TTN: variants seen among roughly 807,000 people sequenced by gnomAD.
The protein encoded by TTN is connectin.
A neutral mutation model predicts 3,223.0 loss-of-function variants in TTN; 1,525 were observed. The ratio of observed to expected loss-of-function variants is 0.47; its 90% CI spans 0.45 to 0.49. The LOEUF (loss-of-function observed/expected upper bound fraction) is 0.49. Among genes scored for constraint, TTN ranks in the 20% least tolerant of loss-of-function variants. The pLI is 0.00. For missense variants in TTN, 40,786 were observed against 43,424.0 expected (o/e 0.94, Z 5.40); for synonymous variants, 14,094 against 15,161.0 (o/e 0.93, Z 5.17).
intron 47 of TTN, chr2:178,746,550 G>A: frequency 6.2e-7 from 1 of 1,613,144 alleles, no homozygotes; most frequent in Middle Eastern, 1.7e-4. Flanking sequence ...GTTACTGGAG[G>A]TGGTAGTGCC....
chr2:178,547,262 A>G lies in TTN; in HGVS notation c.94263T>C (p.Ser31421=). 1 of 1,613,738 alleles carries G rather than the reference A, an allele frequency of 6.2e-7. No homozygotes were observed. The highest frequency in any genetic ancestry group is 2.2e-5 in the East Asian group (1 of 44,866). Residue 31421 remains serine, a synonymous_variant, in exon 340 of 363, where the codon TCT becomes TCC. Coordinates refer to ENST00000589042, the MANE Select transcript of TTN (RefSeq NM_001267550.2). ...APTRPEVYHV[S]ANAMSIRWEE... is the part of the protein sequence containing the mutation. Reference sequence around the variant, plus strand: ...CCCAACGAATAGACATGGCATTGGCAGACACATGGTAGACCTCAGGTCTGG... The same window carrying G: ...CCCAACGAATAGACATGGCATTGGCGGACACATGGTAGACCTCAGGTCTGG...
intron 295 of TTN, 108 bp from the exon 296 acceptor site, chr2:178,594,754 C>A (rs1231931850): frequency 2.2e-6 from 2 of 889,372 alleles, no homozygotes; most frequent in Non-Finnish European, 3.4e-6. Context: ...ACATTAAACT[C>A]TCTGCTCCCA....
At chr2:178,791,162 C>A (rs2093470554) in intron 10 of TTN, among the ~76,000 whole-genome samples, 2 of 152,168 alleles carry the variant, frequency 1.3e-5, no homozygotes, top group South Asian at 4.2e-4. Context: ...GCTGAACTTG[C>A]CAGTCACCAG....
In TTN at chr2:178,603,984, G is replaced by C. The variant is rs758019427; in HGVS notation, c.54703C>G (p.Arg18235Gly). ...GLKGVEFNVP[R>G]LLEGVKYQFR... is the part of the protein sequence containing the mutation. ...TGGTATTTAACGCCTTCAAGCAAAC[G>C]AGGAACATTAAATTCCACGCCTTTC... The change falls in exon 282 of 363, where the codon CGT becomes GGT. Residue 18235 changes from arginine (R) to glycine (G), a missense_variant. By Grantham distance (125) the Arg-to-Gly change is moderately radical. Coordinates refer to ENST00000589042, the MANE Select transcript of TTN (RefSeq NM_001267550.2). The C allele has an allele frequency of 3.1e-6, 5 of 1,612,542 alleles. No homozygotes were observed. The highest frequency in any genetic ancestry group is 4.2e-6 in the Non-Finnish European group (5 of 1,179,116).
Position 178,563,686 on chromosome 2 carries a change from G to C in TTN, c.82446C>G (p.Thr27482=), listed in dbSNP as rs768861950. The change falls in exon 326 of 363, where the codon ACC becomes ACG. Residue 27482 remains threonine, a synonymous_variant. Transcript: ENST00000589042. This position sits in a 1 kb window ranked among gnomAD's most constrained non-coding sequence, Gnocchi z 4.5. ...PPSTPEVSAI[T]KDSMVVTWAR... ...CCCATGTTACTACCATAGAATCTTT[G>C]GTGATTGCTGAGACTTCAGGTGTTG... The C allele has an allele frequency of 3.1e-6, 5 of 1,613,734 alleles. No individual in the cohort carries two copies.
At chr2:178,647,301 T>TA (rs2154245852) in intron 214 of TTN, 80 bp downstream of exon 214, 5 of 1,462,734 alleles carry the variant, frequency 3.4e-6, no homozygotes, top group Non-Finnish European at 4.7e-6. Context: ...GACAGACAAA[T>TA]ACGTAAGATT....
chr2:178,753,982 G>A (rs1314385929), intron 46 of TTN: 2 of 152,070 alleles, frequency 1.3e-5, no homozygotes, highest in African/African-American at 2.4e-5. Context: ...AGTAATTTTT[G>A]TAAGTGCTCT....
Position 178,609,457 on chromosome 2 carries a change from C to T in TTN, c.51853G>A (p.Glu17285Lys), listed in dbSNP as rs1355045941. 2 of 1,612,298 alleles carry T rather than the reference C, an allele frequency of 1.2e-6. No individual in the cohort carries two copies. The highest frequency in any genetic ancestry group is 1.7e-5 in the Admixed American group (1 of 59,906). The stretch of plus-strand genomic sequence containing the variant: ...ATTTCCTCTGGTACAATAACATTTT[C>T]ATCCTTTATCCATGTAATAGTTGGG... ...PYPTITWIKD[E>K]NVIVPEEIKK... Residue 17285 changes from glutamate to lysine, a missense_variant, in exon 273 of 363, where the codon GAA (glutamate) becomes AAA (lysine). Physicochemically the swap from Glu to Lys is moderately conservative, Grantham distance 56. Transcript: ENST00000589042.
In TTN at chr2:178,715,103, T is replaced by C. The variant is rs767736451; in HGVS notation, c.26083A>G (p.Asn8695Asp). ...SGKKYKIMSE[N>D]FLTSIHILNV... is the part of the protein sequence containing the mutation. ...AGGATGTGGATACTGGTTAGGAAGT[T>C]CTCAGACATTATCTTGTACTTCTTG... The change falls in exon 90 of 363, where the codon AAC becomes GAC. Residue 8695 changes from asparagine (N) to aspartate (D), a missense_variant. Asn to Asp is a conservative substitution (Grantham distance 23). Transcript: ENST00000589042. 9.9e-6 allele frequency: 16 copies of C among 1,613,634 alleles called. No homozygotes were observed. The South Asian group carries it at 1.3e-4, about 13-fold the overall frequency.
chr2:178,647,899 A>G (rs2062272125), intron 213 of TTN, among the ~76,000 whole-genome samples: 1 of 152,108 alleles, frequency 6.6e-6, no homozygotes. Flanking sequence ...GACCCAATGA[A>G]CCATTCTTTT....
chr2:178,578,287 G>A, intron 321 of TTN, 102 bp from the exon 322 acceptor site: 1 of 1,084,024 alleles, frequency 9.2e-7, no homozygotes, highest in Middle Eastern at 2.1e-4. Context: ...TATTGAACAA[G>A]TAGTCATTCT....
At chr2:178,688,564 G>A (rs1268436710) in intron 126 of TTN, 113 bp downstream of exon 126, 5 of 773,462 alleles carry the variant, frequency 6.5e-6, no homozygotes, top group Non-Finnish European at 1.1e-5. Context: ...ACCAACATAA[G>A]GAGAAATAAC....
chr2:178,720,618 T>G lies in TTN; in HGVS notation c.23144A>C (p.Lys7715Thr). Reference protein sequence around the residue: ...TQKPSPVGALKGSDVILQCEI... With the variant: ...TQKPSPVGALTGSDVILQCEI... Reference sequence around the variant, plus strand: ...ACATTGGAGAATCACATCAGAACCTTTAAGAGCTCCTACTGGAGAAGGCTT... The same window carrying G: ...ACATTGGAGAATCACATCAGAACCTGTAAGAGCTCCTACTGGAGAAGGCTT... The change falls in exon 80 of 363, where the codon AAA (lysine) becomes ACA (threonine). Residue 7715 changes from lysine (K) to threonine (T), a missense_variant. By Grantham distance (78) the Lys-to-Thr change is moderately conservative. Coordinates refer to ENST00000589042, the MANE Select transcript of TTN (RefSeq NM_001267550.2). 1 of 1,610,314 alleles carries G rather than the reference T, an allele frequency of 6.2e-7. No individual in the cohort carries two copies.
chr2:178,600,642 T>C, intron 288 of TTN: 1 of 597,626 alleles, frequency 1.7e-6, no homozygotes, highest in Non-Finnish European at 2.9e-6. Flanking sequence ...AGACATCATC[T>C]CCTTTGAACA....
Position 178,679,737 on chromosome 2 carries a change from G to GA in TTN, c.33581-56dup. The GA allele has an allele frequency of 1.9e-6, 3 of 1,555,032 alleles. No homozygotes were observed. In the South Asian group the frequency reaches 3.6e-5, roughly 19 times the overall value. ...ATTTTGCAGGAAAGAAATAAAATGT[G>GA]AAAAGCACCTGTAGAAATCATATTT... On this transcript the variant is annotated intron_variant, in intron 140 of 362. Transcript: ENST00000589042.
rs2091775993 is a variant in TTN, at chr2:178,773,091, G to T, written c.7855+18C>A. 1 of 1,613,552 alleles carries T rather than the reference G, an allele frequency of 6.2e-7. No individual in the cohort carries two copies. The highest frequency in any genetic ancestry group is 1.1e-5 in the South Asian group (1 of 91,058). On this transcript the variant is annotated intron_variant, in intron 33 of 362. Coordinates refer to ENST00000589042, the MANE Select transcript of TTN (RefSeq NM_001267550.2). ...ACAATCACTCCTCGTAAGAATTTAG[G>T]TTAATAAATATACCAACCTGCCACA...
chr2:178,620,775 C>T lies in TTN; in HGVS notation c.45835G>A (p.Val15279Met), dbSNP rs727504197. 8 of 1,612,800 alleles carry T rather than the reference C, an allele frequency of 5.0e-6. No individual in the cohort carries two copies. The Admixed American group carries it at 1.0e-4, about 20-fold the overall frequency. The change falls in exon 247 of 363, where the codon GTG becomes ATG. Residue 15279 changes from valine to methionine, a missense_variant. By Grantham distance (21) the Val-to-Met change is conservative (BLOSUM62 1). Coordinates refer to ENST00000589042, the MANE Select transcript of TTN (RefSeq NM_001267550.2). ...TCACCTCTGTGATTGGTCAAAGACA[C>T]ATTATAGTTGGCTTGGTCATCTAAG... ...AHLDDQANYN[V>M]SLTNHRGENV...
In TTN at chr2:178,534,016, G is replaced by A; in HGVS notation, c.102599C>T (p.Thr34200Ile). 1.2e-6 allele frequency: 2 copies of A among 1,613,878 alleles called. No individual in the cohort carries two copies. The highest frequency in any genetic ancestry group is 2.2e-5 in the South Asian group (2 of 91,074). The change falls in exon 358 of 363, where the codon ACC (threonine) becomes ATC (isoleucine). Residue 34200 changes from threonine (T) to isoleucine (I), a missense_variant. Transcript: ENST00000589042. ...TCTGTAGGTACCATCATCTAATTTGGTAATGTCTTTGACATAGAGGATGGC... is the reference window on the plus strand; with the variant it reads ...TCTGTAGGTACCATCATCTAATTTGATAATGTCTTTGACATAGAGGATGGC... Reference protein sequence around the residue: ...GVAILYVKDITKLDDGTYRCK... With the variant: ...GVAILYVKDIIKLDDGTYRCK...
chr2:178,577,208 G>A lies in TTN; in HGVS notation c.69127C>T (p.Pro23043Ser), dbSNP rs1251404237. ...VKVTVLDVPGPPGPVEISNVS... is the reference protein window; with the variant it reads ...VKVTVLDVPGSPGPVEISNVS... ...TTACTGATTTCAACAGGACCTGGGG[G>A]ACCAGGTACATCAAGGACTGTTACC... Residue 23043 changes from proline (P) to serine (S), a missense_variant, in exon 324 of 363, where the codon CCC becomes TCC. By Grantham distance (74) the Pro-to-Ser change is moderately conservative. Transcript: ENST00000589042. 2 of 1,612,844 alleles carry A rather than the reference G, an allele frequency of 1.2e-6. No individual in the cohort carries two copies. Among genetic ancestry groups the A allele is most frequent in the East Asian group, 4.5e-5 (2 of 44,638 alleles).
Sources: gnomAD v4.1 joint callset for allele counts (sites outside exome capture counted in the v4.1 genomes callset) on GRCh38, gnomAD v4.1.1 for gene constraint, Gnocchi (gnomAD v3.1) non-coding constraint, MANE v1.5 for transcripts, NCBI Gene and HGNC (gene_info 2026-07-23, HGNC 2026-07-21) for gene names.